Variants in NTM observed in about 807,000 individuals in gnomAD.
The protein encoded by NTM is neurotrimin.
NTM carries 13 observed loss-of-function variants against 42.1 expected under a neutral mutation model. The ratio of observed to expected loss-of-function variants is 0.31; its 90% confidence interval spans 0.20 to 0.49. The LOEUF (loss-of-function observed/expected upper bound fraction) is 0.49. Among genes scored for constraint, NTM ranks in the 20% least tolerant of loss-of-function variants. NTM has a pLI of 0.99. For missense variants in NTM, 373 were observed against 452.8 expected, an observed-to-expected ratio of 0.82 and a Z score of 1.60; for synonymous variants, 187 against 179.2, an observed-to-expected ratio of 1.04 and a Z score of -0.35.
At chr11:132,286,579 C>A (rs1275014689) in intron 4 of NTM, among the ~76,000 whole-genome samples, 1 of 152,134 alleles carries the variant, frequency 6.6e-6, no homozygotes, top group African/African-American at 2.4e-5. Context: ...TTTTGCCTCA[C>A]CACTCTGTTG....
intron 1 of NTM, among the ~76,000 whole-genome samples, chr11:131,820,013 C>G (rs1462951189): frequency 6.6e-6 from 1 of 152,164 alleles, no homozygotes; most frequent in Non-Finnish European, 1.5e-5. Context: ...AGTGACAAAG[C>G]CTTTACATGC....
intron 2 of NTM, among the ~76,000 whole-genome samples, chr11:131,983,316 TAAA>T (rs1565881032): frequency 6.7e-6 from 1 of 149,192 alleles, no homozygotes; most frequent in East Asian, 2.0e-4. Flanking sequence ...TTATTAAAAA[TAAA>T]AACATAACAA....
chr11:132,213,097 G>A (rs1313758502), intron 4 of NTM, among the ~76,000 whole-genome samples: 1 of 152,212 alleles, frequency 6.6e-6, no homozygotes, highest in Non-Finnish European at 1.5e-5. Context: ...ATGAACAGTG[G>A]TCCTTAATTG....
intron 1 of NTM, among the ~76,000 whole-genome samples, chr11:131,821,618 C>A (rs1205785979): frequency 6.6e-6 from 1 of 152,174 alleles, no homozygotes; most frequent in African/African-American, 2.4e-5. Flanking sequence ...CAAAGCAAAG[C>A]GACAAGCACA....
At chr11:132,323,864 G>A (rs1222876804) in intron 7 of NTM, among the ~76,000 whole-genome samples, 3 of 150,394 alleles carry the variant, frequency 2.0e-5, no homozygotes, top group East Asian at 3.9e-4. Flanking sequence ...TGCAAGGCTG[G>A]TTCAATATAC....
chr11:131,675,309 C>CGTG (rs2071183656), intron 1 of NTM, among the ~76,000 whole-genome samples: 1 of 152,280 alleles, frequency 6.6e-6, no homozygotes, highest in African/African-American at 2.4e-5. Flanking sequence ...GTGGTTTTCC[C>CGTG]AACACATTTT....
intron 2 of NTM, among the ~76,000 whole-genome samples, chr11:132,068,359 C>T (rs1456842714): frequency 1.3e-5 from 2 of 152,202 alleles, no homozygotes; most frequent in East Asian, 3.8e-4. Flanking sequence ...TAAATGTCCA[C>T]ATTAATGGCT....
chr11:131,824,977 G>T (rs2041959578), intron 1 of NTM, among the ~76,000 whole-genome samples: 1 of 152,138 alleles, frequency 6.6e-6, no homozygotes, highest in Admixed American at 6.5e-5. Flanking sequence ...GTAAAGTATT[G>T]CGAAATGGAT....
chr11:131,776,854 A>T (rs2087086362), intron 1 of NTM, among the ~76,000 whole-genome samples: 1 of 152,136 alleles, frequency 6.6e-6, no homozygotes, highest in Non-Finnish European at 1.5e-5. Flanking sequence ...CCAGCCAAAG[A>T]AGGAAGAGTA....
intron 1 of NTM, among the ~76,000 whole-genome samples, chr11:131,904,476 G>A (rs1294791003): frequency 6.6e-6 from 1 of 152,208 alleles, no homozygotes; most frequent in African/African-American, 2.4e-5. Context: ...CTTTCACAGA[G>A]GTTACAAGGC....
intron 4 of NTM, among the ~76,000 whole-genome samples, chr11:132,222,093 C>T (rs1221388771): frequency 1.3e-5 from 2 of 152,136 alleles, no homozygotes; most frequent in Admixed American, 6.5e-5. Flanking sequence ...TGCTGTGTGC[C>T]AGGTCTCTGC....
At chr11:132,316,588 C>A (rs2095435811) in intron 7 of NTM, among the ~76,000 whole-genome samples, 1 of 152,094 alleles carries the variant, frequency 6.6e-6, no homozygotes, top group East Asian at 1.9e-4. Flanking sequence ...AGTCCCGGAG[C>A]CTTAACATGC....
At chr11:132,147,880 G>A (rs886195026) in intron 3 of NTM, among the ~76,000 whole-genome samples, 29 of 152,270 alleles carry the variant, frequency 1.9e-4, no homozygotes, top group South Asian at 4.1e-4. Flanking sequence ...GAAGTGAGCC[G>A]GAAGAAGGAA....
At chr11:131,550,843 A>C (rs1006309334) in intron 1 of NTM, among the ~76,000 whole-genome samples, 5 of 152,104 alleles carry the variant, frequency 3.3e-5, no homozygotes, top group Admixed American at 6.5e-5. Flanking sequence ...CTATTTAAAA[A>C]AATACCCTCA....
chr11:131,621,888 C>A (rs1389160171), intron 1 of NTM, among the ~76,000 whole-genome samples: 1 of 150,290 alleles, frequency 6.7e-6, no homozygotes, highest in Non-Finnish European at 1.5e-5. Context: ...TATGTGGAAG[C>A]TTTCGAGAAA....
chr11:131,879,105 T>C (rs1276098116), intron 1 of NTM, among the ~76,000 whole-genome samples: 1 of 152,184 alleles, frequency 6.6e-6, no homozygotes, highest in Non-Finnish European at 1.5e-5. Context: ...TATCATAACC[T>C]ACAGTCTCCT....
At chr11:131,849,562 C>T (rs1444309464) in intron 1 of NTM, among the ~76,000 whole-genome samples, 1 of 152,106 alleles carries the variant, frequency 6.6e-6, no homozygotes, top group Non-Finnish European at 1.5e-5. Flanking sequence ...TCCACACACA[C>T]CCAACCAGGC....
rs117094633 is a variant in NTM, at chr11:131,729,450, G to A, written c.83-182114G>A. On this transcript the variant is annotated intron_variant, in intron 1 of 8. Transcript: ENST00000683400. ...TTGTAATTGAGATATAATTCATGCT[G>A]CAAAAAACACCCTTTTAAAGTGCAT... Among the ~76,000 whole-genome samples, 71 of 152,252 alleles carry A rather than the reference G, an allele frequency of 4.7e-4. No individual in the cohort carries two copies. The East Asian group carries it at 0.012, about 26-fold the overall frequency.
chr11:131,741,628 CAT>C (rs1246669495), intron 1 of NTM, among the ~76,000 whole-genome samples: 1 of 152,028 alleles, frequency 6.6e-6, no homozygotes, highest in African/African-American at 2.4e-5. Flanking sequence ...TTAATAAAAA[CAT>C]AGTTGAAAGC....
Sources: gnomAD v4.1 joint callset for allele counts (sites outside exome capture counted in the v4.1 genomes callset) on GRCh38, gnomAD v4.1.1 for gene constraint, MANE v1.5 for transcripts, NCBI Gene and HGNC (gene_info 2026-07-23, HGNC 2026-07-21) for gene names.